AMMECR1: variants seen among roughly 807,000 people sequenced by gnomAD.
AMMECR1 encodes nuclear protein AMMECR1.
In AMMECR1, 3 loss-of-function variants were observed where a neutral mutation model predicts 22.5. The observed-to-expected ratio is 0.13, with a 90% CI of 0.06 to 0.35. The LOEUF (loss-of-function observed/expected upper bound fraction) is 0.35, where lower values mean the gene tolerates loss of function less well. Among genes scored for constraint, AMMECR1 ranks in the 10% least tolerant of loss-of-function variants. The pLI is 1.00. For missense variants in AMMECR1, 235 were observed against 278.7 expected (o/e 0.84, Z 1.12); for synonymous variants, 130 against 116.7 (o/e 1.11, Z -0.74).
intron 2 of AMMECR1, among the ~76,000 whole-genome samples, chrX:110,253,233 G>A (rs938257428): frequency 2.7e-5 from 3 of 112,591 alleles, no homozygotes; most frequent in Admixed American, 9.4e-5. Context: ...TGAAATATAT[G>A]TTTTTTAAAT....
chrX:110,252,121 A>G (rs1195606404), intron 2 of AMMECR1, among the ~76,000 whole-genome samples: 1 of 111,245 alleles, frequency 9.0e-6, no homozygotes, highest in East Asian at 2.8e-4. Context: ...AATTATACCC[A>G]TTTTACAGAT....
In AMMECR1 at chrX:110,201,642, C is replaced by A. The variant is rs761065398; in HGVS notation, c.791-592G>T. ...AGATTAAGACATTTTCTAAAGCAAC[C>A]CAAATAAATCTTCAAGTAACTGCCT... On this transcript the variant is annotated intron_variant, in intron 4 of 5. Coordinates refer to ENST00000262844, the MANE Select transcript of AMMECR1 (RefSeq NM_015365.3). Among the ~76,000 whole-genome samples the A allele has an allele frequency of 3.5e-3, 395 of 111,287 alleles. 2 individuals carry two copies. Among genetic ancestry groups the A allele is most frequent in the Non-Finnish European group, 6.3e-3 (333 of 52,888 alleles).
chrX:110,240,627 A>G (rs2067627133), intron 2 of AMMECR1, among the ~76,000 whole-genome samples: 1 of 109,849 alleles, frequency 9.1e-6, no homozygotes, highest in Non-Finnish European at 1.9e-5. Context: ...ACACAATAAT[A>G]GTGGGAGACT....
rs924414389 is a variant in AMMECR1, at chrX:110,220,466, A to G, written c.585-3834T>C. On this transcript the variant is annotated intron_variant, in intron 2 of 5. Transcript: ENST00000262844. ...ATACTGTCCATAGAAAGCATTTTAT[A>G]CCAAAGTAGTATCTGCCAATTTAAA... Among the ~76,000 whole-genome samples, 10 of 111,897 alleles carry G rather than the reference A, an allele frequency of 8.9e-5. No homozygotes were observed. The East Asian group carries it at 2.8e-3, about 31-fold the overall frequency.
rs1451225107 is a variant in AMMECR1, at chrX:110,378,895, C to T, written c.-148+47763G>A. On this transcript the variant is annotated intron_variant, in intron 2 of 7. Coordinates refer to the AMMECR1 transcript ENST00000372057. ...GCACAGCTTCTCCATGGAGAAGACA[C>T]TGAAATGGCACCTGCTGGACACCCG... Among the ~76,000 whole-genome samples the T allele has an allele frequency of 2.7e-5, 3 of 110,233 alleles. No individual in the cohort carries two copies. In the Admixed American group the frequency reaches 2.9e-4, roughly 11 times the overall value.
intron 2 of AMMECR1, among the ~76,000 whole-genome samples, chrX:110,384,422 G>A (rs772797507): frequency 1.8e-5 from 2 of 111,307 alleles, no homozygotes; most frequent in Non-Finnish European, 3.8e-5. Flanking sequence ...ACCTCACAGG[G>A]ATATTTTAAG....
Position 110,197,283 on chromosome X carries a change from A to G in AMMECR1, c.*1237T>C, listed in dbSNP as rs774164357. 1 of 112,387 alleles carries G rather than the reference A, an allele frequency of 8.9e-6. No homozygotes were observed. The highest frequency in any genetic ancestry group is 3.2e-5 in the African/African-American group (1 of 30,974). The allele number at this position is 112,387 out of a possible 1,213,427, so 9.3% of individuals were successfully genotyped here. ...TGCAGAAAGAAATTCAAGCTATTTT[A>G]TAGTATCTCTAAAACTCTAATATTG... On this transcript the variant is annotated 3_prime_UTR_variant, in exon 6 of 6. Transcript: ENST00000262844.
intron 1 of AMMECR1, among the ~76,000 whole-genome samples, chrX:110,271,856 T>G (rs1602847865): frequency 9.0e-6 from 1 of 111,476 alleles, no homozygotes; most frequent in Middle Eastern, 4.6e-3. Context: ...TAATTTCTAT[T>G]TGGAAGTCCT....
chrX:110,225,271 C>T (rs1313457835), intron 2 of AMMECR1, among the ~76,000 whole-genome samples: 1 of 112,232 alleles, frequency 8.9e-6, no homozygotes, highest in Non-Finnish European at 1.9e-5. Flanking sequence ...GACATCTTGT[C>T]AGATTTGATT....
At chrX:110,236,189 T>C (rs1462889495) in intron 2 of AMMECR1, among the ~76,000 whole-genome samples, 1 of 111,947 alleles carries the variant, frequency 8.9e-6, no homozygotes, top group African/African-American at 3.2e-5. Flanking sequence ...TTTCAACAAA[T>C]ATGTATTGAG....
chrX:110,253,768 C>T (rs2067697160), intron 2 of AMMECR1, among the ~76,000 whole-genome samples: 1 of 111,745 alleles, frequency 8.9e-6, no homozygotes. Flanking sequence ...TGAAGTCCAA[C>T]CTGTGTTGTC....
At chrX:110,257,954 A>C (rs2067719073) in intron 2 of AMMECR1, among the ~76,000 whole-genome samples, 1 of 111,578 alleles carries the variant, frequency 9.0e-6, no homozygotes, top group South Asian at 3.7e-4. Flanking sequence ...TAGATGTAAA[A>C]ATAGGGTAAA....
At chrX:110,364,889 C>T (rs1005229064) in intron 2 of AMMECR1, among the ~76,000 whole-genome samples, 4 of 111,978 alleles carry the variant, frequency 3.6e-5, no homozygotes, top group Non-Finnish European at 7.5e-5. Flanking sequence ...CCTGTAGTGC[C>T]AACTATATTT....
Position 110,328,868 on chromosome X carries a change from C to T in AMMECR1, c.-147-11019G>A, listed in dbSNP as rs781222014. Among the ~76,000 whole-genome samples the T allele has an allele frequency of 2.9e-4, 33 of 112,113 alleles. 1 individual carries two copies. Among genetic ancestry groups the T allele is most frequent in the African/African-American group, 8.4e-4 (26 of 30,886 alleles). On this transcript the variant is annotated intron_variant, in intron 2 of 7. Coordinates refer to the AMMECR1 transcript ENST00000372057. ...CATTTTCTTTATCCAGTCTATCCAA[C>T]GATAGGCATTTGGGTTGGTTCCAAG...
chrX:110,234,285 C>T (rs1000253426), intron 2 of AMMECR1, among the ~76,000 whole-genome samples: 1 of 111,881 alleles, frequency 8.9e-6, no homozygotes, highest in African/African-American at 3.3e-5. Context: ...TGTGAAGGAC[C>T]TCTTCAAGGA....
At chrX:110,425,614 G>A (rs779219243) in intron 2 of AMMECR1, among the ~76,000 whole-genome samples, 1 of 112,970 alleles carries the variant, frequency 8.9e-6, no homozygotes, top group Non-Finnish European at 1.9e-5. Context: ...CCTATAGTGA[G>A]TACTTACTAT....
intron 2 of AMMECR1, among the ~76,000 whole-genome samples, chrX:110,350,257 T>C (rs2068206139): frequency 8.9e-6 from 1 of 111,801 alleles, no homozygotes; most frequent in Non-Finnish European, 1.9e-5. Context: ...TTTCCATCTT[T>C]GGTGAGGGGC....
chrX:110,336,411 T>G (rs1422920495), intron 2 of AMMECR1, among the ~76,000 whole-genome samples: 1 of 110,802 alleles, frequency 9.0e-6, no homozygotes, highest in Non-Finnish European at 1.9e-5. Flanking sequence ...CGACTGGGTG[T>G]GGTGGCTCAC....
At chrX:110,384,400 A>G (rs1335833180) in intron 2 of AMMECR1, among the ~76,000 whole-genome samples, 1 of 111,624 alleles carries the variant, frequency 9.0e-6, no homozygotes, top group African/African-American at 3.3e-5. Context: ...GAGGATGATA[A>G]TAAGAGTACC....
Sources: allele counts gnomAD v4.1 joint callset (sites outside exome capture counted in the v4.1 genomes callset), GRCh38; gene constraint gnomAD v4.1.1; transcripts MANE v1.5; gene names NCBI Gene and HGNC (gene_info 2026-07-23, HGNC 2026-07-21).